Variants in HMCN2 observed in about 807,000 individuals in gnomAD.
The protein encoded by HMCN2 is hemicentin 2.
Under a neutral mutation model 377.5 loss-of-function variants are expected in HMCN2, and 325 were observed. The observed-to-expected ratio is 0.86, with a 90% CI of 0.79 to 0.94. The LOEUF is 0.94. Among genes scored for constraint, HMCN2 ranks in the 40% least tolerant of loss-of-function variants. HMCN2 has a pLI of 0.00. For synonymous variants in HMCN2, 2,007 were observed against 2,046.8 expected (o/e 0.98, Z 0.53); for missense variants, 4,543 against 4,725.3 (o/e 0.96, Z 1.13).
chr9:130,412,266 C>T (rs1025558478), intron 85 of HMCN2, among the ~76,000 whole-genome samples: 1 of 152,204 alleles, frequency 6.6e-6, no homozygotes, highest in Admixed American at 6.5e-5. Flanking sequence ...GCCACTGCAC[C>T]CAGGGCTTGT....
rs547298638 is a variant in HMCN2 at position 130,303,200 on chromosome 9, A to C, written c.1421+199A>C. Among the ~76,000 whole-genome samples, 2 of 152,332 alleles carry C rather than the reference A, an allele frequency of 1.3e-5. No individual in the cohort carries two copies. Among genetic ancestry groups the C allele is most frequent in the African/African-American group, 4.8e-5 (2 of 41,574 alleles). On this transcript the variant is annotated intron_variant, in intron 9 of 97. Transcript: ENST00000683500. This position sits in a 1 kb window ranked among gnomAD's most constrained non-coding sequence, Gnocchi z 5.2. ...CCGAGACTCCCACCACTGCTGGGCCATCAGCTGGTGAAGGAGCCGGGGGCC... is the reference window on the plus strand; with the variant it reads ...CCGAGACTCCCACCACTGCTGGGCCCTCAGCTGGTGAAGGAGCCGGGGGCC...
At chr9:130,329,406 G>A (rs1395589536) in intron 22 of HMCN2, among the ~76,000 whole-genome samples, 3 of 142,280 alleles carry the variant, frequency 2.1e-5, no homozygotes, top group Non-Finnish European at 4.6e-5. Flanking sequence ...CACTGGGGCT[G>A]TTTCCACATT....
rs981612848 is a variant in HMCN2 at position 130,340,438 on chromosome 9, C to A, written c.3488-673C>A. ...CACCTCCGCACATGCTGCCTCCGAA[C>A]CTTGCTTAGCCATTATAAGTCGACC... On this transcript the variant is annotated intron_variant, in intron 23 of 97. Transcript: ENST00000683500. 3.9e-5 allele frequency among the ~76,000 whole-genome samples: 6 copies of A among 152,272 alleles called. No individual in the cohort carries two copies. The East Asian group carries it at 9.7e-4, about 25-fold the overall frequency.
At chr9:130,287,701 CCCG>C (rs1835494784) in intron 4 of HMCN2, among the ~76,000 whole-genome samples, 1 of 152,236 alleles carries the variant, frequency 6.6e-6, no homozygotes, top group Admixed American at 6.5e-5. Flanking sequence ...GGCTGTGAGT[CCCG>C]ATGGCCACAG....
chr9:130,426,071 T>G, intron 90 of HMCN2, 147 bp downstream of exon 90: 1 of 660,464 alleles, frequency 1.5e-6, no homozygotes, highest in African/African-American at 1.8e-5. Context: ...CCGGCTGGCC[T>G]ACTCACCTGG....
chr9:130,345,338 ATGTTTGTGGTGTGTG>A, intron 25 of HMCN2, among the ~76,000 whole-genome samples: 1 of 89,914 alleles, frequency 1.1e-5, no homozygotes, highest in South Asian at 3.7e-4. Context: ...GTGTGTGTGT[ATGTTTGTGGTGTGTG>A]GTGTGTATGT....
At chr9:130,357,802 C>G in intron 34 of HMCN2, 32 bp from the exon 35 acceptor site, 1 of 1,287,642 alleles carries the variant, frequency 7.8e-7, no homozygotes, top group South Asian at 1.3e-5. Context: ...CTGATTCTGA[C>G]TCGGGCTCTT....
Position 130,360,904 on chromosome 9 carries a change from C to T in HMCN2, c.5950+300C>T, listed in dbSNP as rs1840354061. On this transcript the variant is annotated intron_variant, in intron 38 of 97. Coordinates refer to ENST00000683500, the MANE Select transcript of HMCN2 (RefSeq NM_001291815.2). This position sits in a 1 kb window ranked among gnomAD's most constrained non-coding sequence, Gnocchi z 4.7. ...ATCCATCCATCCATCCATCTCTCAT[C>T]CATCCATTTATCCACCCAACCATCC... 6.6e-6 allele frequency among the ~76,000 whole-genome samples: 1 copy of T among 151,998 alleles called. No individual in the cohort carries two copies. The highest frequency in any genetic ancestry group is 2.4e-5 in the African/African-American group (1 of 41,372).
chr9:130,278,025 C>T lies in HMCN2; in HGVS notation c.260-6578C>T, dbSNP rs141775255. ...CCACCACCATCATCATCACCACCAC[C>T]ACGATCATCACCACCACCATCATCA... On this transcript the variant is annotated intron_variant, in intron 1 of 97. Transcript: ENST00000683500. Among the ~76,000 whole-genome samples the T allele has an allele frequency of 2.6e-3, 19 of 7,244 alleles. 4 individuals carry two copies. The highest frequency in any genetic ancestry group is 0.024 in the South Asian group (5 of 208). 4.8% of individuals were successfully genotyped at this position (7,244 alleles called of 152,430 possible). A position where few individuals can be genotyped will look rare whatever the true frequency, so the allele number is the denominator to read the frequency against.
At position 130,423,710 on chromosome 9, in the gene HMCN2, C is replaced by A. The variant is rs1240552987; in HGVS notation, c.13381+984C>A. ...TGTTCCCCTTGCCCAGTCCATGGCC[C>A]CACCTGGTCCTGCGTGGAGGGCGGG... On this transcript the variant is annotated intron_variant, in intron 87 of 97. Transcript: ENST00000683500. The surrounding 1 kb of genome is among the most constrained non-coding windows in gnomAD (Gnocchi z 5.5). 6.6e-6 allele frequency among the ~76,000 whole-genome samples: 1 copy of A among 152,216 alleles called. No homozygotes were observed. The highest frequency in any genetic ancestry group is 2.4e-5 in the African/African-American group (1 of 41,460).
In HMCN2 at chr9:130,407,601, C is replaced by T. The variant is rs960747751; in HGVS notation, c.12584C>T (p.Thr4195Met). 2.2e-5 allele frequency: 29 copies of T among 1,289,286 alleles called. No individual in the cohort carries two copies. The highest frequency in any genetic ancestry group is 1.2e-4 in the African/African-American group (8 of 65,848). 79.9% of individuals were successfully genotyped at this position (1,289,286 alleles called of 1,614,324 possible). A position where few individuals can be genotyped will look rare whatever the true frequency, so the allele number is the denominator to read the frequency against. The change falls in exon 83 of 98, where the codon ACG becomes ATG. Residue 4195 changes from threonine (T) to methionine (M), a missense_variant. By Grantham distance (81) the Thr-to-Met change is moderately conservative (BLOSUM62 -1). This residue lies in a region of HMCN2 where 1,073 missense variants were observed against 1,319.5 expected (regional missense o/e 0.81). Transcript: ENST00000683500. Reference sequence around the variant, plus strand: ...GTGTCTGAGCAGGATGGAGGCAGCACGCTGCAGCGGGCCGCTGTCTCCAGA... The same window carrying T: ...GTGTCTGAGCAGGATGGAGGCAGCATGCTGCAGCGGGCCGCTGTCTCCAGA... ...EGVSEQDGGS[T>M]LQRAAVSRED...
At chr9:130,276,293 T>C (rs956424768) in intron 1 of HMCN2, among the ~76,000 whole-genome samples, 1 of 150,682 alleles carries the variant, frequency 6.6e-6, no homozygotes, top group African/African-American at 2.5e-5. Context: ...AGGCCCATGG[T>C]GAATAGCCAA....
rs887675427 is a variant in HMCN2 at position 130,428,085 on chromosome 9, G to T, written c.14066-273G>T. Among the ~76,000 whole-genome samples, 3 of 152,184 alleles carry T rather than the reference G, an allele frequency of 2.0e-5. No homozygotes were observed. Among genetic ancestry groups the T allele is most frequent in the Non-Finnish European group, 1.5e-5 (1 of 68,030 alleles). The stretch of plus-strand genomic sequence containing the variant: ...GAGGGCCTGGTGCTGCCAAGTCTCC[G>T]CTGGGCTCCAAGCCGGGTGCCCAAG... On this transcript the variant is annotated intron_variant, in intron 92 of 97. Transcript: ENST00000683500. This position sits in a 1 kb window ranked among gnomAD's most constrained non-coding sequence, Gnocchi z 5.0.
In HMCN2 at chr9:130,423,743, A is replaced by C. The variant is rs1844153339; in HGVS notation, c.13381+1017A>C. On this transcript the variant is annotated intron_variant, in intron 87 of 97. Coordinates refer to ENST00000683500, the MANE Select transcript of HMCN2 (RefSeq NM_001291815.2). This position sits in a 1 kb window ranked among gnomAD's most constrained non-coding sequence, Gnocchi z 5.5. ...TCCTGCGTGGAGGGCGGGGCATCAC[A>C]TGAAGAAGATCTGAGAATCCACGTC... 6.6e-6 allele frequency among the ~76,000 whole-genome samples: 1 copy of C among 152,206 alleles called. No homozygotes were observed. The highest frequency in any genetic ancestry group is 2.1e-4 in the South Asian group (1 of 4,832).
chr9:130,266,143 G>GC lies in HMCN2; in HGVS notation c.259+11dup, dbSNP rs782254884. 4.3e-6 allele frequency: 2 copies of GC among 462,464 alleles called. No homozygotes were observed. The highest frequency in any genetic ancestry group is 3.1e-5 in the South Asian group (2 of 64,404). The allele number at this position is 462,464 out of a possible 1,614,324, so 28.6% of individuals were successfully genotyped here. A position where few individuals can be genotyped will look rare whatever the true frequency, so the allele number is the denominator to read the frequency against. On this transcript the variant is annotated splice_region_variant and intron_variant, in intron 1 of 97. Transcript: ENST00000683500. ...GGTGCCCTTCCACGACCCAGGTAGC[G>GC]CCCCCGCACCCCCGCCCGCCGGGCG...
At chr9:130,384,286 G>A (rs766389066) in intron 57 of HMCN2, 87 bp from the exon 58 acceptor site, 60 of 1,123,146 alleles carry the variant, frequency 5.3e-5, no homozygotes, top group Non-Finnish European at 6.8e-5. Context: ...CAGGAGCTGG[G>A]TGAGGCTCAG....
intron 43 of HMCN2, among the ~76,000 whole-genome samples, chr9:130,367,637 A>T (rs1276376853): frequency 6.6e-6 from 1 of 151,644 alleles, no homozygotes; most frequent in African/African-American, 2.4e-5. Context: ...GGCCCTGGGG[A>T]GCCACTAAGG....
intron 4 of HMCN2, among the ~76,000 whole-genome samples, 190 bp downstream of exon 4, chr9:130,286,500 A>T (rs1554927799): frequency 6.6e-6 from 1 of 152,244 alleles, no homozygotes; most frequent in Non-Finnish European, 1.5e-5. Context: ...AGGTGCCACC[A>T]CATCATCTTA....
At chr9:130,382,384 A>G (rs1480345852) in intron 55 of HMCN2, 87 bp downstream of exon 55, 1 of 486,330 alleles carries the variant, frequency 2.1e-6, no homozygotes, top group Non-Finnish European at 2.7e-6. Flanking sequence ...CAAAGTGCAC[A>G]CAGTCTTGCT....
Sources: gnomAD v4.1 joint callset for allele counts (sites outside exome capture counted in the v4.1 genomes callset) on GRCh38, gnomAD v4.1.1 for gene constraint, gnomAD v4.1.1 regional missense constraint, Gnocchi (gnomAD v3.1) non-coding constraint, MANE v1.5 for transcripts, NCBI Gene and HGNC (gene_info 2026-07-23, HGNC 2026-07-21) for gene names.